ADARB2: variants seen among roughly 807,000 people sequenced by gnomAD.
The protein encoded by ADARB2 is inactive double-stranded RNA-specific editase B2.
Under a neutral mutation model 62.2 loss-of-function variants are expected in ADARB2, and 25 were observed. That is an observed-to-expected ratio of 0.40 (90% confidence interval 0.29 to 0.56). The LOEUF is 0.56. ADARB2 is among the 20% of genes least tolerant of loss of function. The probability of loss-of-function intolerance (pLI) is 0.43; values close to 1 mark genes in which losing one functional copy is unlikely to be tolerated. For missense variants in ADARB2, 1,071 were observed against 1,077.4 expected, an observed-to-expected ratio of 0.99 and a Z score of 0.08; for synonymous variants, 572 against 500.8, an observed-to-expected ratio of 1.14 and a Z score of -1.90.
intron 1 of ADARB2, among the ~76,000 whole-genome samples, chr10:1,656,738 T>C (rs1003452815): frequency 1.3e-5 from 2 of 152,218 alleles, no homozygotes; most frequent in African/African-American, 4.8e-5. Context: ...TTTAGGCCAA[T>C]GTGCTCAAAG....
chr10:1,623,629 G>A (rs565810451), intron 1 of ADARB2, among the ~76,000 whole-genome samples: 1 of 152,296 alleles, frequency 6.6e-6, no homozygotes, highest in South Asian at 2.1e-4. Context: ...CTGTCCCGTT[G>A]TACCGTCATC....
At chr10:1,496,097 A>G (rs1034525511) in intron 1 of ADARB2, among the ~76,000 whole-genome samples, 1 of 151,734 alleles carries the variant, frequency 6.6e-6, no homozygotes, top group Non-Finnish European at 1.5e-5. Flanking sequence ...CACCATCATC[A>G]TCGTCATCAC....
intron 4 of ADARB2, among the ~76,000 whole-genome samples, chr10:1,243,879 C>T (rs1192143812): frequency 6.6e-6 from 1 of 152,076 alleles, no homozygotes; most frequent in Non-Finnish European, 1.5e-5. Flanking sequence ...TGGTCCTGGT[C>T]CTGTTGTCTA....
At chr10:1,710,964 C>T (rs1182178368) in intron 1 of ADARB2, among the ~76,000 whole-genome samples, 1 of 152,080 alleles carries the variant, frequency 6.6e-6, no homozygotes, top group African/African-American at 2.4e-5. Flanking sequence ...ATTTTTGGCC[C>T]AACCCCCTGT....
chr10:1,379,660 G>T (rs1832465038), intron 1 of ADARB2, among the ~76,000 whole-genome samples: 1 of 152,228 alleles, frequency 6.6e-6, no homozygotes, highest in Non-Finnish European at 1.5e-5. Context: ...CGGGTGTTTG[G>T]CAGAAGTAGA....
chr10:1,198,294 C>A lies in ADARB2; in HGVS notation c.1864+1672G>T, dbSNP rs1205728100. ...CATTCTGCTAATACATAATCTTCAT[C>A]TTCTAAGGCAGTTCTGCAAACTGAC... On this transcript the variant is annotated intron_variant, in intron 8 of 9. Coordinates refer to ENST00000381312, the MANE Select transcript of ADARB2 (RefSeq NM_018702.4). Among the ~76,000 whole-genome samples, 4 of 152,210 alleles carry A rather than the reference C, an allele frequency of 2.6e-5. 1 individual carries two copies. The South Asian group carries it at 8.3e-4, about 32-fold the overall frequency.
chr10:1,651,247 A>C (rs1834105436), intron 1 of ADARB2, among the ~76,000 whole-genome samples: 1 of 152,150 alleles, frequency 6.6e-6, no homozygotes, highest in Admixed American at 6.5e-5. Flanking sequence ...TCCATTAGGA[A>C]CCACCCTGTG....
intron 1 of ADARB2, among the ~76,000 whole-genome samples, chr10:1,641,182 C>G (rs568295299): frequency 6.6e-6 from 1 of 152,116 alleles, no homozygotes; most frequent in South Asian, 2.1e-4. Flanking sequence ...ATTTAGCACC[C>G]GATATAAAAT....
chr10:1,678,610 C>A lies in ADARB2; in HGVS notation c.100+58441G>T, dbSNP rs145389629. Among the ~76,000 whole-genome samples the A allele has an allele frequency of 7.9e-5, 12 of 152,226 alleles. No homozygotes were observed. In the East Asian group the frequency reaches 2.3e-3, roughly 30 times the overall value. ...TGAAAAGACTTGGGGGTGCTTTACC[C>A]TCCCTGGAGTCCCTTTTACGGGTCT... On this transcript the variant is annotated intron_variant, in intron 1 of 9. Coordinates refer to ENST00000381312, the MANE Select transcript of ADARB2 (RefSeq NM_018702.4).
chr10:1,262,527 C>CA (rs932839903), intron 4 of ADARB2, among the ~76,000 whole-genome samples: 27 of 151,192 alleles, frequency 1.8e-4, no homozygotes, highest in African/African-American at 6.1e-4. Flanking sequence ...AAAAAACACA[C>CA]AAAAAAATGC....
chr10:1,245,725 A>T (rs1441341352), intron 4 of ADARB2, among the ~76,000 whole-genome samples: 1 of 152,082 alleles, frequency 6.6e-6, no homozygotes, highest in Non-Finnish European at 1.5e-5. Context: ...ATTTTCTGAA[A>T]CCAGTCTATC....
intron 1 of ADARB2, among the ~76,000 whole-genome samples, chr10:1,592,078 C>T (rs1314116587): frequency 6.6e-6 from 1 of 152,212 alleles, no homozygotes; most frequent in Non-Finnish European, 1.5e-5. Flanking sequence ...GGGTGGGATC[C>T]CTTTAGAGTG....
chr10:1,470,236 A>G (rs1464935943), intron 1 of ADARB2, among the ~76,000 whole-genome samples: 1 of 152,236 alleles, frequency 6.6e-6, no homozygotes, highest in East Asian at 1.9e-4. Flanking sequence ...GTCAGATTAA[A>G]AAATAAGTTT....
chr10:1,392,847 G>C (rs899353350), intron 1 of ADARB2, among the ~76,000 whole-genome samples: 1 of 152,154 alleles, frequency 6.6e-6, no homozygotes, highest in Admixed American at 6.5e-5. Context: ...TCACTGTCAT[G>C]GGCTGAATGA....
intron 1 of ADARB2, among the ~76,000 whole-genome samples, chr10:1,484,762 A>G (rs1831520575): frequency 1.3e-5 from 2 of 152,118 alleles, no homozygotes; most frequent in South Asian, 4.1e-4. Flanking sequence ...AGGTACATAT[A>G]CAGGGAGGGA....
intron 1 of ADARB2, among the ~76,000 whole-genome samples, chr10:1,474,953 G>A (rs1831379540): frequency 1.3e-5 from 2 of 152,152 alleles, no homozygotes; most frequent in African/African-American, 2.4e-5. Flanking sequence ...GGCGGCTGCC[G>A]GTCGTCCTGG....
At chr10:1,595,100 G>A (rs1183502459) in intron 1 of ADARB2, among the ~76,000 whole-genome samples, 1 of 152,194 alleles carries the variant, frequency 6.6e-6, no homozygotes, top group Non-Finnish European at 1.5e-5. Context: ...TGGCCTGAAT[G>A]TCATACGGAA....
At chr10:1,223,684 G>A (rs542964883) in intron 6 of ADARB2, among the ~76,000 whole-genome samples, 1 of 152,318 alleles carries the variant, frequency 6.6e-6, no homozygotes, top group East Asian at 1.9e-4. Flanking sequence ...AGATAATCAT[G>A]TGGTTTTTGT....
In ADARB2 at chr10:1,357,438, C is replaced by T. The variant is rs1405336810; in HGVS notation, c.1077+5590G>A. Among the ~76,000 whole-genome samples, 3 of 152,160 alleles carry T rather than the reference C, an allele frequency of 2.0e-5. No homozygotes were observed. In the South Asian group the frequency reaches 6.2e-4, roughly 32 times the overall value. ...ACCCTCCTGTCCCTGGCACCACAATCTCACCTCCTTTCTCACTTTTCAGTT... is the reference window on the plus strand; with the variant it reads ...ACCCTCCTGTCCCTGGCACCACAATTTCACCTCCTTTCTCACTTTTCAGTT... On this transcript the variant is annotated intron_variant, in intron 3 of 9. Coordinates refer to ENST00000381312, the MANE Select transcript of ADARB2 (RefSeq NM_018702.4).
Sources: allele counts gnomAD v4.1 joint callset (sites outside exome capture counted in the v4.1 genomes callset), GRCh38; gene constraint gnomAD v4.1.1; transcripts MANE v1.5; gene names NCBI Gene and HGNC (gene_info 2026-07-23, HGNC 2026-07-21).